Variants in ZNF821 observed in about 807,000 individuals in gnomAD.
ZNF821 encodes zinc finger protein 821.
Under a neutral mutation model 44.3 loss-of-function variants are expected in ZNF821, and 16 were observed. That is an observed-to-expected ratio of 0.36 (90% CI 0.24 to 0.55). The LOEUF (loss-of-function observed/expected upper bound fraction) is 0.55. Ranked by LOEUF, ZNF821 falls within the 20% of genes least tolerant of loss-of-function variation. ZNF821 has a pLI of 0.86. For missense variants in ZNF821, 436 were observed against 547.6 expected (o/e 0.80, Z 2.03); for synonymous variants, 204 against 197.6 (o/e 1.03, Z -0.27).
At chr16:71,867,817 T>C in intron 4 of ZNF821, 95 bp downstream of exon 4, 1 of 1,457,078 alleles carries the variant, frequency 6.9e-7, no homozygotes, top group East Asian at 2.5e-5. Context: ...TTTCATGTCT[T>C]TCTCCCAACC....
chr16:71,879,786 G>T, intron 3 of ZNF821, 121 bp downstream of exon 3: 4 of 955,826 alleles, frequency 4.2e-6, no homozygotes, highest in South Asian at 1.8e-5. Context: ...AGCAAACTGT[G>T]TTTTACATTT....
intron 3 of ZNF821, among the ~76,000 whole-genome samples, chr16:71,869,821 T>C (rs183216464): frequency 1.3e-5 from 2 of 152,074 alleles, no homozygotes; most frequent in South Asian, 2.1e-4. Context: ...ATTTTTTGTA[T>C]AGACAGGGTC....
chr16:71,880,058 T>C, intron 2 of ZNF821, 35 bp from the exon 3 acceptor site: 1 of 1,013,820 alleles, frequency 9.9e-7, no homozygotes, highest in South Asian at 1.9e-5. Flanking sequence ...GCACATGTCA[T>C]TTTCCCCAGC....
At chr16:71,894,004 T>G (rs1264241849) in intron 1 of ZNF821, 8 of 152,180 alleles carry the variant, frequency 5.3e-5, no homozygotes, top group African/African-American at 1.7e-4. Flanking sequence ...GGTCTTGAAC[T>G]CCTGACCTCA....
At chr16:71,866,789 A>C (rs538138864) in intron 4 of ZNF821, among the ~76,000 whole-genome samples, 1 of 152,302 alleles carries the variant, frequency 6.6e-6, no homozygotes, top group African/African-American at 2.4e-5. Context: ...TTAATTGCTA[A>C]GTTATTTTAT....
At chr16:71,877,345 C>G (rs1329831279) in intron 3 of ZNF821, among the ~76,000 whole-genome samples, 1 of 152,160 alleles carries the variant, frequency 6.6e-6, no homozygotes, top group African/African-American at 2.4e-5. Context: ...ACTGCAGCCT[C>G]AACTTCCCAG....
chr16:71,873,868 G>C (rs942938919), intron 3 of ZNF821, among the ~76,000 whole-genome samples: 5 of 151,640 alleles, frequency 3.3e-5, no homozygotes, highest in African/African-American at 1.2e-4. Flanking sequence ...GCCCAAGCTG[G>C]TCTCGAACTC....
chr16:71,870,905 C>A (rs753674605), intron 3 of ZNF821, among the ~76,000 whole-genome samples: 34 of 152,158 alleles, frequency 2.2e-4, no homozygotes, highest in Admixed American at 1.3e-4. Flanking sequence ...AAGGGGAAGA[C>A]CTTTCTCATC....
intron 3 of ZNF821, among the ~76,000 whole-genome samples, chr16:71,870,147 A>G (rs1055162163): frequency 2.0e-5 from 3 of 152,226 alleles, no homozygotes; most frequent in African/African-American, 4.8e-5. Context: ...ATCAAAAGAC[A>G]AATGATGGTT....
intron 3 of ZNF821, among the ~76,000 whole-genome samples, chr16:71,869,416 G>C (rs543541072): frequency 3.5e-4 from 54 of 152,248 alleles, no homozygotes; most frequent in African/African-American, 1.3e-3. Context: ...CATTCATTCA[G>C]CAAACATTCA....
chr16:71,893,015 G>A (rs1597222540), intron 1 of ZNF821, among the ~76,000 whole-genome samples: 1 of 126,882 alleles, frequency 7.9e-6, no homozygotes, highest in Admixed American at 9.1e-5. Context: ...ACAGGCATGA[G>A]CCACCCTGCC....
chr16:71,878,830 T>C (rs1279016784), intron 3 of ZNF821, among the ~76,000 whole-genome samples: 4 of 151,614 alleles, frequency 2.6e-5, no homozygotes, highest in South Asian at 4.2e-4. Flanking sequence ...ACTCGGCAGG[T>C]TGCAGCAGGA....
intron 1 of ZNF821, among the ~76,000 whole-genome samples, chr16:71,889,814 A>G (rs2036876035): frequency 6.6e-6 from 1 of 152,216 alleles, no homozygotes; most frequent in Non-Finnish European, 1.5e-5. Context: ...TTACCCAGGT[A>G]TGGTGGCATG....
At position 71,868,070 on chromosome 16, in the gene ZNF821, C is replaced by T. The variant is rs758398281; in HGVS notation, c.41-33G>A. The T allele has an allele frequency of 1.5e-4, 234 of 1,526,024 alleles. No individual in the cohort carries two copies. The African/African-American group carries it at 2.6e-3, about 17-fold the overall frequency. The allele number at this position is 1,526,024 out of a possible 1,614,324, so 94.5% of individuals were successfully genotyped here. ...TCACAAGGAAAAATAGTCAGGCCAC[C>T]AGCTGGGCAGCATATCCCCAGGCAA... is the stretch of plus-strand genomic sequence containing the variant. On this transcript the variant is annotated intron_variant, in intron 3 of 7. Transcript: ENST00000425432.
chr16:71,879,977 C>A lies in ZNF821; in HGVS notation c.-31G>T. The stretch of plus-strand genomic sequence containing the variant: ...CCTGATGCAAGAGCTCTGGTCTTTC[C>A]CAGTTTCACGACTGGATATGTTACT... On this transcript the variant is annotated 5_prime_UTR_variant, in exon 3 of 8. Transcript: ENST00000425432. 1 of 1,610,214 alleles carries A rather than the reference C, an allele frequency of 6.2e-7. No homozygotes were observed. The highest frequency in any genetic ancestry group is 2.2e-5 in the East Asian group (1 of 44,714).
In ZNF821 at chr16:71,860,987, C is replaced by T. The variant is rs1312097802; in HGVS notation, c.585-315G>A. The stretch of plus-strand genomic sequence containing the variant: ...TCTCCTGCCTCAGCCTCCTGAGTAG[C>T]TGGGATTACAGGCGCACGCCACCAC... On this transcript the variant is annotated intron_variant, in intron 7 of 7. Coordinates refer to ENST00000425432, the MANE Select transcript of ZNF821 (RefSeq NM_001201552.2). This position sits in a 1 kb window ranked among gnomAD's most constrained non-coding sequence, Gnocchi z 7.3. Among the ~76,000 whole-genome samples, 2 of 152,004 alleles carry T rather than the reference C, an allele frequency of 1.3e-5. No homozygotes were observed. The highest frequency in any genetic ancestry group is 4.1e-4 in the South Asian group (2 of 4,824).
chr16:71,878,907 G>C (rs973309747), intron 3 of ZNF821, among the ~76,000 whole-genome samples: 1 of 149,532 alleles, frequency 6.7e-6, no homozygotes, highest in African/African-American at 2.5e-5. Flanking sequence ...CTGGGTGACA[G>C]AGCGAGACTC....
intron 1 of ZNF821, chr16:71,890,441 C>G (rs1438431238): frequency 6.6e-6 from 1 of 151,196 alleles, no homozygotes; most frequent in Non-Finnish European, 1.5e-5. Flanking sequence ...GCCTGGAGTA[C>G]AGTGGCACAA....
Position 71,879,743 on chromosome 16 carries a change from C to G in ZNF821, c.40+164G>C, listed in dbSNP as rs2036225525. 4 of 747,096 alleles carry G rather than the reference C, an allele frequency of 5.4e-6. No individual in the cohort carries two copies. The South Asian group carries it at 6.2e-5, about 12-fold the overall frequency. The allele number at this position is 747,096 out of a possible 1,614,324, so 46.3% of individuals were successfully genotyped here. A position where few individuals can be genotyped will look rare whatever the true frequency, so the allele number is the denominator to read the frequency against. On this transcript the variant is annotated intron_variant, in intron 3 of 7. Coordinates refer to ENST00000425432, the MANE Select transcript of ZNF821 (RefSeq NM_001201552.2). Reference sequence around the variant, plus strand: ...TCCACCATTTCCAACATTTTTAACCCTTTTTCTTTCTTTCTTTTTTTCTCT... The same window carrying G: ...TCCACCATTTCCAACATTTTTAACCGTTTTTCTTTCTTTCTTTTTTTCTCT...
Sources: allele counts gnomAD v4.1 joint callset (sites outside exome capture counted in the v4.1 genomes callset), GRCh38; gene constraint gnomAD v4.1.1; non-coding constraint Gnocchi (gnomAD v3.1); transcripts MANE v1.5; gene names NCBI Gene and HGNC (gene_info 2026-07-23, HGNC 2026-07-21).